Variants in PCDHGB7 observed in about 807,000 individuals in gnomAD.
PCDHGB7 encodes the protein protocadherin gamma-B7.
A neutral mutation model predicts 61.4 loss-of-function variants in PCDHGB7; 37 were observed. That is an observed-to-expected ratio of 0.60 (90% CI 0.46 to 0.79). The LOEUF (loss-of-function observed/expected upper bound fraction) is 0.79. Ranked by LOEUF, PCDHGB7 falls within the 30% of genes least tolerant of loss-of-function variation. The probability of loss-of-function intolerance (pLI) is 0.00; values close to 1 mark genes in which losing one functional copy is unlikely to be tolerated. For synonymous variants in PCDHGB7, 464 were observed against 503.5 expected (o/e 0.92, Z 1.05); for missense variants, 1,166 against 1,202.5 (o/e 0.97, Z 0.45).
At chr5:141,497,839 A>G (rs1399696596) in intron 2 of PCDHGB7, among the ~76,000 whole-genome samples, 1 of 152,044 alleles carries the variant, frequency 6.6e-6, no homozygotes, top group East Asian at 1.9e-4. Flanking sequence ...CCCGGCCACA[A>G]CAAACATTTT....
chr5:141,477,607 G>A lies in PCDHGB7; in HGVS notation c.2416-17200G>A, dbSNP rs1223703956. ...ATGCTCGGCTTTCTTTCTTTCTCTT[G>A]GAGCAAGGAGCTGAAACCGGGCTAG... is the stretch of plus-strand genomic sequence containing the variant. On this transcript the variant is annotated intron_variant, in intron 1 of 3. Coordinates refer to ENST00000398594, the MANE Select transcript of PCDHGB7 (RefSeq NM_018927.4). The surrounding 1 kb of genome is among the most constrained non-coding windows in gnomAD (Gnocchi z 4.9). 2 of 1,614,028 alleles carry A rather than the reference G, an allele frequency of 1.2e-6. No individual in the cohort carries two copies. The highest frequency in any genetic ancestry group is 3.3e-5 in the Admixed American group (2 of 60,000).
chr5:141,471,254 T>A (rs1043647138), intron 1 of PCDHGB7: 1 of 151,828 alleles, frequency 6.6e-6, no homozygotes, highest in African/African-American at 2.4e-5. Flanking sequence ...TTTCACCATG[T>A]TGGCAAGGCT....
chr5:141,507,796 G>GGGAA (rs2099863457), intron 3 of PCDHGB7, among the ~76,000 whole-genome samples: 1 of 152,220 alleles, frequency 6.6e-6, no homozygotes, highest in Admixed American at 6.5e-5. Flanking sequence ...GTCTAAGCCT[G>GGGAA]CGCCCTGGGG....
intron 1 of PCDHGB7, among the ~76,000 whole-genome samples, chr5:141,468,047 G>A (rs901583535): frequency 2.0e-5 from 3 of 152,050 alleles, no homozygotes; most frequent in Non-Finnish European, 2.9e-5. Context: ...AAACTAAGCC[G>A]GGCACAGTGG....
rs888389135 is a variant in PCDHGB7 at position 141,487,089 on chromosome 5, C to T, written c.2416-7718C>T. 12 of 1,613,882 alleles carry T rather than the reference C, an allele frequency of 7.4e-6. No individual in the cohort carries two copies. Among genetic ancestry groups the T allele is most frequent in the Non-Finnish European group, 1.0e-5 (12 of 1,179,768 alleles). On this transcript the variant is annotated intron_variant, in intron 1 of 3. Coordinates refer to ENST00000398594, the MANE Select transcript of PCDHGB7 (RefSeq NM_018927.4). The surrounding 1 kb of genome is among the most constrained non-coding windows in gnomAD (Gnocchi z 5.0). The stretch of plus-strand genomic sequence containing the variant: ...GCTGTTCCTATCCCAGCTGACCTCC[C>T]ACCACAGAAGCTGGTCATTGTGGTA...
At chr5:141,450,033 G>T (rs1377962229) in intron 1 of PCDHGB7, among the ~76,000 whole-genome samples, 2 of 131,450 alleles carry the variant, frequency 1.5e-5, no homozygotes, top group Admixed American at 8.4e-5. Flanking sequence ...TTGAGACAGG[G>T]TCTCACTCTT....
chr5:141,469,112 A>T (rs1207790108), intron 1 of PCDHGB7, among the ~76,000 whole-genome samples: 1 of 151,698 alleles, frequency 6.6e-6, no homozygotes, highest in African/African-American at 2.4e-5. Flanking sequence ...ACCTGTCTCT[A>T]AAAAAATTTA....
intron 1 of PCDHGB7, chr5:141,422,122 A>G (rs758254144): frequency 6.2e-7 from 1 of 1,601,596 alleles, no homozygotes; most frequent in African/African-American, 1.4e-5. Context: ...GGATTCACAA[A>G]CTGGAGAAGT....
rs919100488 is a variant in PCDHGB7 at position 141,511,573 on chromosome 5, G to A, written c.*400G>A. On this transcript the variant is annotated 3_prime_UTR_variant, in exon 4 of 4. Transcript: ENST00000398594. ...ACAGTTCCTCTTTCCCGAGTAAGGT[G>A]GTTGGGGTGTTGAAGTACCAAGTAA... 1.1e-4 allele frequency: 33 copies of A among 288,248 alleles called. No individual in the cohort carries two copies. Among genetic ancestry groups the A allele is most frequent in the African/African-American group, 7.1e-4 (33 of 46,356 alleles). The allele number at this position is 288,248 out of a possible 1,614,324, so 17.9% of individuals were successfully genotyped here.
Position 141,419,405 on chromosome 5 carries a change from G to T in PCDHGB7, c.1546G>T (p.Ala516Ser), listed in dbSNP as rs1219399978. 1 of 1,613,512 alleles carries T rather than the reference G, an allele frequency of 6.2e-7. No homozygotes were observed. Among genetic ancestry groups the T allele is most frequent in the South Asian group, 1.1e-5 (1 of 91,076 alleles). The change falls in exon 1 of 4, where the codon GCG (alanine) becomes TCG (serine). Residue 516 changes from alanine to serine, a missense_variant. Physicochemically the swap from Ala to Ser is moderately conservative, Grantham distance 99 (BLOSUM62 1). Transcript: ENST00000398594. ...SVSAQSGVVF[A>S]QRAFDHEQLR... ...GAGCGCGCAGAGCGGGGTGGTGTTC[G>T]CGCAGCGCGCCTTCGACCACGAGCA...
At position 141,502,499 on chromosome 5, in the gene PCDHGB7, C is replaced by T. The variant is rs552402476; in HGVS notation, c.2475-2894C>T. ...CATCACACTGGGACTCATCTAACGT[C>T]GGCCTGTCCCACTATCAGTGATGCC... On this transcript the variant is annotated intron_variant, in intron 2 of 3. Coordinates refer to ENST00000398594, the MANE Select transcript of PCDHGB7 (RefSeq NM_018927.4). Among the ~76,000 whole-genome samples, 24 of 152,240 alleles carry T rather than the reference C, an allele frequency of 1.6e-4. No homozygotes were observed. In the East Asian group the frequency reaches 4.1e-3, roughly 26 times the overall value.
chr5:141,509,179 C>T (rs895281717), intron 3 of PCDHGB7, among the ~76,000 whole-genome samples: 1 of 152,172 alleles, frequency 6.6e-6, no homozygotes, highest in African/African-American at 2.4e-5. Flanking sequence ...TCCTCTTATG[C>T]CGGCTTGAAA....
intron 1 of PCDHGB7, chr5:141,422,041 G>A (rs371079504): frequency 2.1e-5 from 34 of 1,611,632 alleles, no homozygotes; most frequent in Non-Finnish European, 2.9e-5. Flanking sequence ...GGATCCAGAC[G>A]AGGGAATCAA....
rs761442517 is a variant in PCDHGB7 at position 141,417,885 on chromosome 5, G to A, written c.26G>A (p.Arg9His). The A allele has an allele frequency of 2.6e-6, 4 of 1,562,806 alleles. No individual in the cohort carries two copies. The highest frequency in any genetic ancestry group is 1.9e-5 in the Admixed American group (1 of 51,628). The change falls in exon 1 of 4, where the codon CGC becomes CAC. Residue 9 changes from arginine to histidine, a missense_variant. Arg to His is a conservative substitution (Grantham distance 29, BLOSUM62 0). Coordinates refer to ENST00000398594, the MANE Select transcript of PCDHGB7 (RefSeq NM_018927.4). ...ATGGGAGGGAGCTGCGCGCAGAGGC[G>A]CCGGGCCGGCCCGCGGCAGGTACTA... MGGSCAQR[R>H]RAGPRQVLFP...
At position 141,489,088 on chromosome 5, in the gene PCDHGB7, GAC is replaced by G; in HGVS notation, c.2416-5718_2416-5717del. 5.8e-6 allele frequency: 2 copies of G among 347,236 alleles called. No homozygotes were observed. The highest frequency in any genetic ancestry group is 4.7e-5 in the East Asian group (1 of 21,502). The allele number at this position is 347,236 out of a possible 1,614,324, so 21.5% of individuals were successfully genotyped here. A position where few individuals can be genotyped will look rare whatever the true frequency, so the allele number is the denominator to read the frequency against. ...CCCCTGCCCACCCCCGCCACTCGGT[GAC>G]TAAGAACTGCTGCAAGCAGGCAAAC... On this transcript the variant is annotated intron_variant, in intron 1 of 3. Transcript: ENST00000398594. The surrounding 1 kb of genome is among the most constrained non-coding windows in gnomAD (Gnocchi z 4.5).
In PCDHGB7 at chr5:141,419,667, G is replaced by T; in HGVS notation, c.1808G>T (p.Trp603Leu). ...AVDADSGHNA[W>L]LSYHVVQASE... ...GACGCGGACTCGGGGCACAATGCCT[G>T]GCTGTCCTACCACGTGGTGCAGGCC... The change falls in exon 1 of 4, where the codon TGG becomes TTG. Residue 603 changes from tryptophan to leucine, a missense_variant. By Grantham distance (61) the Trp-to-Leu change is moderately conservative (BLOSUM62 -2). Transcript: ENST00000398594. The T allele has an allele frequency of 6.2e-7, 1 of 1,612,894 alleles. No individual in the cohort carries two copies. The highest frequency in any genetic ancestry group is 1.1e-5 in the South Asian group (1 of 91,022).
chr5:141,423,693 G>T lies in PCDHGB7; in HGVS notation c.2415+3419G>T, dbSNP rs114008539. On this transcript the variant is annotated intron_variant, in intron 1 of 3. Transcript: ENST00000398594. ...TTATTTCTCTGCCTCCTAATTGTTG[G>T]TGTCTTGGCACAAGTCTTTTAAGGA... 910 of 1,396,244 alleles carry T rather than the reference G, an allele frequency of 6.5e-4. 7 individuals carry two copies. The African/African-American group carries it at 0.012, about 18-fold the overall frequency. 86.5% of individuals were successfully genotyped at this position (1,396,244 alleles called of 1,614,324 possible).
rs771681529 is a variant in PCDHGB7 at position 141,486,617 on chromosome 5, C to T, written c.2416-8190C>T. The T allele has an allele frequency of 1.2e-6, 2 of 1,613,602 alleles. No individual in the cohort carries two copies. Among genetic ancestry groups the T allele is most frequent in the Non-Finnish European group, 1.7e-6 (2 of 1,180,036 alleles). On this transcript the variant is annotated intron_variant, in intron 1 of 3. Coordinates refer to ENST00000398594, the MANE Select transcript of PCDHGB7 (RefSeq NM_018927.4). The surrounding 1 kb of genome is among the most constrained non-coding windows in gnomAD (Gnocchi z 5.0). ...GCTTTGCTCCCTTGCAGCCTCTGAC[C>T]CAGACTCTGGCTTGAATGCGCTTAT...
chr5:141,481,021 GC>G (rs2099529893), intron 1 of PCDHGB7, among the ~76,000 whole-genome samples: 1 of 152,076 alleles, frequency 6.6e-6, no homozygotes, highest in Non-Finnish European at 1.5e-5. Context: ...TCACACCACT[GC>G]ACTCCAGCCT....
Sources: gnomAD v4.1 joint callset for allele counts (sites outside exome capture counted in the v4.1 genomes callset) on GRCh38, gnomAD v4.1.1 for gene constraint, Gnocchi (gnomAD v3.1) non-coding constraint, MANE v1.5 for transcripts, NCBI Gene and HGNC (gene_info 2026-07-23, HGNC 2026-07-21) for gene names.